NDST4: variants seen among roughly 807,000 people sequenced by gnomAD.
NDST4 encodes the protein N-heparan sulfate sulfotransferase 4.
NDST4 carries 63 observed loss-of-function variants against 100.8 expected under a neutral mutation model. The observed-to-expected ratio is 0.62, with a 90% CI of 0.51 to 0.77. The LOEUF is 0.77. NDST4 is among the 30% of genes least tolerant of loss of function. The pLI, the probability that NDST4 is intolerant of heterozygous loss-of-function variation, is 0.00. For synonymous variants in NDST4, 377 were observed against 361.8 expected, an observed-to-expected ratio of 1.04 and a Z score of -0.48; for missense variants, 943 against 1,018.4, an observed-to-expected ratio of 0.93 and a Z score of 1.01.
At position 115,076,124 on chromosome 4, in the gene NDST4, G is replaced by C; in HGVS notation, c.913C>G (p.Leu305Val). The change falls in exon 2 of 14, where the codon CTT becomes GTT. Residue 305 changes from leucine to valine, a missense_variant. By Grantham distance (32) the Leu-to-Val change is conservative. Around this residue, in one of 2 missense-constraint regions of NDST4, gnomAD observed 417 missense variants for 384.2 expected, o/e 1.09. Transcript: ENST00000264363. ...ACAAATATATCATCAATGTCCACAA[G>C]GATGTACCTGTCCAAGGACAATGTC... ...RLTLSLDRYI[L>V]VDIDDIFVGK... 2 of 1,613,832 alleles carry C rather than the reference G, an allele frequency of 1.2e-6. No individual in the cohort carries two copies. The highest frequency in any genetic ancestry group is 2.2e-5 in the South Asian group (2 of 91,084).
At chr4:114,888,340 A>G (rs1173930061) in intron 6 of NDST4, among the ~76,000 whole-genome samples, 1 of 152,146 alleles carries the variant, frequency 6.6e-6, no homozygotes, top group African/African-American at 2.4e-5. Context: ...CCAGGGAGAA[A>G]TGATACACCT....
intron 6 of NDST4, among the ~76,000 whole-genome samples, chr4:114,895,503 A>G (rs1724694747): frequency 6.6e-6 from 1 of 152,276 alleles, no homozygotes; most frequent in South Asian, 2.1e-4. Context: ...ATAGCCTACC[A>G]ACCAAATGAA....
intron 2 of NDST4, among the ~76,000 whole-genome samples, chr4:115,027,049 T>C (rs535072782): frequency 6.6e-6 from 1 of 152,280 alleles, no homozygotes; most frequent in South Asian, 2.1e-4. Flanking sequence ...TGGCTGGTGG[T>C]TGAAGTTGAC....
At position 114,950,033 on chromosome 4, in the gene NDST4, A is replaced by C. The variant is rs184691071; in HGVS notation, c.1222-12530T>G. On this transcript the variant is annotated intron_variant, in intron 4 of 13. Coordinates refer to ENST00000264363, the MANE Select transcript of NDST4 (RefSeq NM_022569.3). ...AGCAATAAATTATGATATATTAATT[A>C]GGAACACGGGGAGGTGAGATGAGAA... 4.6e-3 allele frequency among the ~76,000 whole-genome samples: 704 copies of C among 152,198 alleles called. 5 individuals carry two copies. The highest frequency in any genetic ancestry group is 7.4e-3 in the Non-Finnish European group (503 of 67,960).
In NDST4 at chr4:115,076,331, T is replaced by C. The variant is rs748200919; in HGVS notation, c.706A>G (p.Thr236Ala). The change falls in exon 2 of 14, where the codon ACT (threonine) becomes GCT (alanine). Residue 236 changes from threonine to alanine, a missense_variant. Coordinates refer to ENST00000264363, the MANE Select transcript of NDST4 (RefSeq NM_022569.3). ...NHSTYQPVLL[T>A]ELQTEKSLSS... ...AGGGATTTTTCTGTCTGTAACTCAGTTAAAAGTACAGGCTGGTAGGTTGAA... is the reference window on the plus strand; with the variant it reads ...AGGGATTTTTCTGTCTGTAACTCAGCTAAAAGTACAGGCTGGTAGGTTGAA... 5.0e-6 allele frequency: 8 copies of C among 1,613,904 alleles called. No homozygotes were observed. In the East Asian group the frequency reaches 1.1e-4, roughly 22 times the overall value.
At chr4:114,880,694 A>T (rs1468629710) in intron 6 of NDST4, among the ~76,000 whole-genome samples, 1 of 152,188 alleles carries the variant, frequency 6.6e-6, no homozygotes, top group African/African-American at 2.4e-5. Context: ...TAAATAAATT[A>T]TCCATAGTTT....
At position 114,970,585 on chromosome 4, in the gene NDST4, C is replaced by G; in HGVS notation, c.1067-1G>C. On this transcript the variant is annotated splice_acceptor_variant, in intron 3 of 13. Coordinates refer to ENST00000264363, the MANE Select transcript of NDST4 (RefSeq NM_022569.3). LOFTEE classifies it high-confidence loss of function. ...TCTCCTTCATCTTCCTCTTCAGTCCCTTTAAAACATAAAGTTAAAAATAAC... is the reference window on the plus strand; with the variant it reads ...TCTCCTTCATCTTCCTCTTCAGTCCGTTTAAAACATAAAGTTAAAAATAAC... 2 of 1,603,406 alleles carry G rather than the reference C, an allele frequency of 1.2e-6. No individual in the cohort carries two copies. The highest frequency in any genetic ancestry group is 1.7e-6 in the Non-Finnish European group (2 of 1,174,784).
chr4:114,880,150 C>T (rs1219063192), intron 6 of NDST4, among the ~76,000 whole-genome samples: 1 of 152,116 alleles, frequency 6.6e-6, no homozygotes, highest in African/African-American at 2.4e-5. Context: ...GTGCTTTACT[C>T]TCTATTTTTC....
At chr4:114,891,758 T>A (rs1724603695) in intron 6 of NDST4, among the ~76,000 whole-genome samples, 1 of 152,140 alleles carries the variant, frequency 6.6e-6, no homozygotes, top group South Asian at 2.1e-4. Flanking sequence ...CTGCTTTCAG[T>A]ACTTTCTCGT....
chr4:115,049,360 T>C (rs1728533435), intron 2 of NDST4, among the ~76,000 whole-genome samples: 1 of 152,060 alleles, frequency 6.6e-6, no homozygotes, highest in East Asian at 1.9e-4. Context: ...AAGAAGTACA[T>C]AGGCAAATTG....
chr4:114,983,774 C>T (rs1007536768), intron 2 of NDST4, among the ~76,000 whole-genome samples: 1 of 152,076 alleles, frequency 6.6e-6, no homozygotes, highest in African/African-American at 2.4e-5. Context: ...TATGGTTGGG[C>T]TCTGTGTCCC....
At chr4:114,989,636 A>T (rs1295454699) in intron 2 of NDST4, among the ~76,000 whole-genome samples, 1 of 152,170 alleles carries the variant, frequency 6.6e-6, no homozygotes, top group Non-Finnish European at 1.5e-5. Flanking sequence ...CTGTATGAAG[A>T]ATTGCCTGGG....
chr4:114,932,922 A>T (rs1488218394), intron 6 of NDST4, among the ~76,000 whole-genome samples: 1 of 152,102 alleles, frequency 6.6e-6, no homozygotes, highest in African/African-American at 2.4e-5. Context: ...AATTCAATGA[A>T]CTTTCTATCA....
chr4:115,091,465 C>T (rs1379147780), intron 1 of NDST4, among the ~76,000 whole-genome samples: 2 of 152,050 alleles, frequency 1.3e-5, no homozygotes, highest in African/African-American at 4.8e-5. Flanking sequence ...ATCTACTCTT[C>T]TTCTCAATTG....
intron 4 of NDST4, among the ~76,000 whole-genome samples, chr4:114,964,695 G>A (rs1441582615): frequency 2.0e-5 from 3 of 152,164 alleles, no homozygotes; most frequent in Non-Finnish European, 4.4e-5. Context: ...TTGTATGGCA[G>A]ATCTCTAGAA....
At chr4:114,975,819 A>G (rs1726620803) in intron 3 of NDST4, among the ~76,000 whole-genome samples, 1 of 152,102 alleles carries the variant, frequency 6.6e-6, no homozygotes, top group African/African-American at 2.4e-5. Flanking sequence ...TATCTGCTTT[A>G]TAACTTCATA....
At chr4:114,868,947 TATATA>T (rs1724089802) in intron 7 of NDST4, among the ~76,000 whole-genome samples, 62 of 5,646 alleles carry the variant, frequency 0.011, no homozygotes, top group African/African-American at 0.021. Context: ...TTGCAAATTA[TATATA>T]TATATATATA....
chr4:115,019,011 C>T (rs1024265009), intron 2 of NDST4, among the ~76,000 whole-genome samples: 1 of 151,954 alleles, frequency 6.6e-6, no homozygotes, highest in African/African-American at 2.4e-5. Context: ...ATAGCTCTCT[C>T]ATTATCAAAT....
At position 114,970,466 on chromosome 4, in the gene NDST4, T is replaced by C. The variant is rs1726487723; in HGVS notation, c.1185A>G (p.Leu395=). The C allele has an allele frequency of 6.2e-7, 1 of 1,614,052 alleles. No homozygotes were observed. Among genetic ancestry groups the C allele is most frequent in the African/African-American group, 1.3e-5 (1 of 75,050 alleles). Residue 395 remains leucine, a synonymous_variant, in exon 4 of 14, where the codon TTA becomes TTG. Coordinates refer to ENST00000264363, the MANE Select transcript of NDST4 (RefSeq NM_022569.3). ...CCTTGTTGAGAATCATCTGCTCTACTAAAGATGACTCGTTGTGGAAGAGGT... is the reference window on the plus strand; with the variant it reads ...CCTTGTTGAGAATCATCTGCTCTACCAAAGATGACTCGTTGTGGAAGAGGT... ...QPHLFHNESS[L]VEQMILNKEF...
Sources: gnomAD v4.1 joint callset for allele counts (sites outside exome capture counted in the v4.1 genomes callset) on GRCh38, gnomAD v4.1.1 for gene constraint, gnomAD v4.1.1 regional missense constraint, MANE v1.5 for transcripts, NCBI Gene and HGNC (gene_info 2026-07-23, HGNC 2026-07-21) for gene names.